EFNA5: variants seen among roughly 807,000 people sequenced by gnomAD.
EFNA5 encodes ephrin-A5.
In EFNA5, 5 loss-of-function variants were observed where a neutral mutation model predicts 22.9. That is an observed-to-expected ratio of 0.22 (90% confidence interval 0.11 to 0.46). The LOEUF (loss-of-function observed/expected upper bound fraction) is 0.46, where lower values mean the gene tolerates loss of function less well. EFNA5 is among the 20% of genes least tolerant of loss of function. The pLI, the probability that EFNA5 is intolerant of heterozygous loss-of-function variation, is 0.99. For synonymous variants in EFNA5, 113 were observed against 112.2 expected (o/e 1.01, Z -0.04); for missense variants, 237 against 293.3 (o/e 0.81, Z 1.40).
chr5:107,433,900 CAA>C (rs35303771), intron 1 of EFNA5, among the ~76,000 whole-genome samples: 308 of 130,562 alleles, frequency 2.4e-3, no homozygotes, highest in African/African-American at 4.1e-3. Flanking sequence ...GACCCTGTCT[CAA>C]AAAAAAAAAA....
intron 1 of EFNA5, among the ~76,000 whole-genome samples, chr5:107,571,231 G>T (rs982161200): frequency 6.6e-5 from 10 of 152,230 alleles, no homozygotes; most frequent in African/African-American, 2.4e-4. Context: ...GCCCCAGCCA[G>T]AGTGGGAATT....
intron 1 of EFNA5, among the ~76,000 whole-genome samples, chr5:107,476,035 G>A (rs942442447): frequency 3.1e-5 from 1 of 32,684 alleles, no homozygotes; most frequent in African/African-American, 3.6e-4. Flanking sequence ...GGTGGCTTGA[G>A]AGTTTTTAAA....
chr5:107,481,675 C>T (rs1322503947), intron 1 of EFNA5, among the ~76,000 whole-genome samples: 2 of 151,750 alleles, frequency 1.3e-5, no homozygotes, highest in East Asian at 2.0e-4. Flanking sequence ...ATGGTGAAAC[C>T]GTGTCTCTGC....
intron 1 of EFNA5, among the ~76,000 whole-genome samples, chr5:107,502,117 T>G (rs1747150328): frequency 6.6e-6 from 1 of 152,218 alleles, no homozygotes; most frequent in African/African-American, 2.4e-5. Flanking sequence ...TCACCCAACG[T>G]AGGGCAGAAA....
intron 1 of EFNA5, among the ~76,000 whole-genome samples, chr5:107,582,642 C>G (rs1233823861): frequency 1.3e-5 from 2 of 151,460 alleles, no homozygotes; most frequent in Admixed American, 1.3e-4. Flanking sequence ...GATATTCCTT[C>G]AAGCTAATGT....
chr5:107,527,460 T>C (rs1412110276), intron 1 of EFNA5, among the ~76,000 whole-genome samples: 1 of 151,930 alleles, frequency 6.6e-6, no homozygotes, highest in Non-Finnish European at 1.5e-5. Flanking sequence ...CTAATTTTTG[T>C]ATTTTTAGTA....
At chr5:107,608,683 G>T (rs553526179) in intron 1 of EFNA5, among the ~76,000 whole-genome samples, 2 of 152,138 alleles carry the variant, frequency 1.3e-5, no homozygotes, top group Non-Finnish European at 2.9e-5. Flanking sequence ...TCTTCCTACT[G>T]GGCAAGACAC....
In EFNA5 at chr5:107,378,139, A is replaced by C. The variant is rs947605231; in HGVS notation, c.*3116T>G. On this transcript the variant is annotated 3_prime_UTR_variant, in exon 5 of 5. Transcript: ENST00000333274. The stretch of plus-strand genomic sequence containing the variant: ...GAATCAAATTAATACTTTATTATCA[A>C]ACACTATGTACAACAGAGGTTGCTA... 6.6e-6 allele frequency: 1 copy of C among 152,196 alleles called. No homozygotes were observed. The highest frequency in any genetic ancestry group is 1.5e-5 in the Non-Finnish European group (1 of 68,038). The allele number at this position is 152,196 out of a possible 1,614,324, so 9.4% of individuals were successfully genotyped here. A position where few individuals can be genotyped will look rare whatever the true frequency, so the allele number is the denominator to read the frequency against.
intron 1 of EFNA5, among the ~76,000 whole-genome samples, chr5:107,593,695 G>A (rs1159464059): frequency 4.6e-5 from 7 of 152,192 alleles, no homozygotes; most frequent in South Asian, 2.1e-4. Flanking sequence ...CTATGGGACC[G>A]GAAGGATTAA....
At chr5:107,556,785 T>TA (rs375771583) in intron 1 of EFNA5, among the ~76,000 whole-genome samples, 65 of 141,736 alleles carry the variant, frequency 4.6e-4, no homozygotes, top group South Asian at 1.3e-3. Context: ...AATAAATAAA[T>TA]AAATAAAATA....
intron 1 of EFNA5, among the ~76,000 whole-genome samples, chr5:107,624,755 T>C (rs566592192): frequency 1.5e-3 from 224 of 152,272 alleles, no homozygotes; most frequent in African/African-American, 5.2e-3. Context: ...AGTGTTCTTA[T>C]GCTAAGTAAC....
chr5:107,667,043 A>G (rs1751092047), intron 1 of EFNA5, among the ~76,000 whole-genome samples: 1 of 152,114 alleles, frequency 6.6e-6, no homozygotes. Flanking sequence ...CATTACTCAA[A>G]GTTACTTGGT....
At chr5:107,480,600 C>T (rs150390698) in intron 1 of EFNA5, among the ~76,000 whole-genome samples, 16 of 152,242 alleles carry the variant, frequency 1.1e-4, no homozygotes, top group African/African-American at 3.9e-4. Context: ...GGGGAGGTAT[C>T]CAATACACCA....
chr5:107,546,080 G>A (rs1025028338), intron 1 of EFNA5, among the ~76,000 whole-genome samples: 3 of 152,204 alleles, frequency 2.0e-5, no homozygotes, highest in African/African-American at 7.2e-5. Flanking sequence ...GAGAGATGGG[G>A]GCTGTTTTCC....
chr5:107,659,985 C>T (rs183702988), intron 1 of EFNA5, among the ~76,000 whole-genome samples: 181 of 151,654 alleles, frequency 1.2e-3, no homozygotes, highest in Middle Eastern at 6.8e-3. Flanking sequence ...TGTACATATT[C>T]TTATGGAATA....
chr5:107,569,383 T>TATTTTTATGTATATGTGTGTATATATATA (rs1443388671), intron 1 of EFNA5, among the ~76,000 whole-genome samples: 3,564 of 137,744 alleles, frequency 0.026, 218 homozygotes, highest in African/African-American at 0.098. Flanking sequence ...ATATATATAT[T>TATTTTTATGTATATGTGTGTATATATATA]TTTATGTATA....
intron 1 of EFNA5, among the ~76,000 whole-genome samples, chr5:107,616,817 CAACA>C (rs1299392042): frequency 6.6e-6 from 1 of 152,102 alleles, no homozygotes; most frequent in Non-Finnish European, 1.5e-5. Flanking sequence ...CCTTTTTACT[CAACA>C]AACAAAAATC....
chr5:107,467,256 T>C (rs1750012371), intron 1 of EFNA5, among the ~76,000 whole-genome samples: 1 of 152,066 alleles, frequency 6.6e-6, no homozygotes, highest in Admixed American at 6.6e-5. Context: ...ACAGGTGATA[T>C]GTGGATATGG....
intron 2 of EFNA5, among the ~76,000 whole-genome samples, chr5:107,400,656 C>T (rs252811): frequency 0.81 from 122,548 of 152,226 alleles, 49,740 homozygotes; most frequent in African/African-American, 0.83. Flanking sequence ...CCAAGAAACA[C>T]TTTGGTAGGA....
Sources: gnomAD v4.1 joint callset for allele counts (sites outside exome capture counted in the v4.1 genomes callset) on GRCh38, gnomAD v4.1.1 for gene constraint, MANE v1.5 for transcripts, NCBI Gene and HGNC (gene_info 2026-07-23, HGNC 2026-07-21) for gene names.